The following PRKCA variants were observed in gnomAD, a reference collection of about 807,000 sequenced individuals.
PRKCA encodes protein kinase C alpha.
PRKCA carries 27 observed loss-of-function variants against 87.0 expected under a neutral mutation model. That is an observed-to-expected ratio of 0.31 (90% CI 0.23 to 0.43). The LOEUF (loss-of-function observed/expected upper bound fraction) is 0.43. Ranked by LOEUF, PRKCA falls within the 20% of genes least tolerant of loss-of-function variation. PRKCA has a pLI of 1.00. For missense variants in PRKCA, 518 were observed against 852.3 expected, an observed-to-expected ratio of 0.61 and a Z score of 4.88; for synonymous variants, 329 against 311.1, an observed-to-expected ratio of 1.06 and a Z score of -0.61.
At chr17:66,426,597 AT>A (rs2143814439) in intron 2 of PRKCA, among the ~76,000 whole-genome samples, 1 of 152,298 alleles carries the variant, frequency 6.6e-6, no homozygotes, top group Non-Finnish European at 1.5e-5. Flanking sequence ...CACCAGAGCC[AT>A]TCCTCTTCCT....
intron 3 of PRKCA, among the ~76,000 whole-genome samples, chr17:66,623,986 G>C (rs1277433858): frequency 6.6e-6 from 1 of 152,142 alleles, no homozygotes; most frequent in African/African-American, 2.4e-5. Context: ...GGAGTAGGGG[G>C]CTGTACCCAA....
At chr17:66,721,683 C>G (rs117689542) in intron 8 of PRKCA, among the ~76,000 whole-genome samples, 4,056 of 152,194 alleles carry the variant, frequency 0.027, 58 homozygotes, top group Non-Finnish European at 0.03. Flanking sequence ...TAATGAGCAG[C>G]AAGGAAGCCA....
In PRKCA at chr17:66,782,781, A is replaced by G. The variant is rs145538376; in HGVS notation, c.1606-4086A>G. ...AGCCGAGTACCCTCTGCCTCACTTC[A>G]CCCCTACCAGGAGCAGTGTTGGATG... On this transcript the variant is annotated intron_variant, in intron 14 of 16. Coordinates refer to ENST00000413366, the MANE Select transcript of PRKCA (RefSeq NM_002737.3). Among the ~76,000 whole-genome samples the G allele has an allele frequency of 3.3e-5, 5 of 152,056 alleles. No individual in the cohort carries two copies. In the East Asian group the frequency reaches 9.7e-4, roughly 29 times the overall value.
intron 2 of PRKCA, among the ~76,000 whole-genome samples, chr17:66,418,257 G>A (rs1416886245): frequency 1.3e-5 from 2 of 152,138 alleles, no homozygotes; most frequent in Non-Finnish European, 1.5e-5. Context: ...TATAGTAAAT[G>A]TATATATGCA....
intron 8 of PRKCA, among the ~76,000 whole-genome samples, chr17:66,718,739 A>G (rs1341084229): frequency 1.3e-5 from 2 of 152,226 alleles, no homozygotes; most frequent in African/African-American, 4.8e-5. Flanking sequence ...TAAGGATTTC[A>G]ACATGTGAAT....
chr17:66,698,531 T>C (rs1371153582), intron 8 of PRKCA, among the ~76,000 whole-genome samples: 1 of 152,114 alleles, frequency 6.6e-6, no homozygotes, highest in African/African-American at 2.4e-5. Context: ...AGACAGCTCA[T>C]TTATAATTAC....
At chr17:66,483,231 T>A (rs1915859684) in intron 2 of PRKCA, among the ~76,000 whole-genome samples, 1 of 152,078 alleles carries the variant, frequency 6.6e-6, no homozygotes, top group Non-Finnish European at 1.5e-5. Flanking sequence ...ACAACGAAAG[T>A]GTGTTGCCTC....
At chr17:66,658,169 G>T (rs574650295) in intron 5 of PRKCA, among the ~76,000 whole-genome samples, 2 of 152,084 alleles carry the variant, frequency 1.3e-5, no homozygotes, top group Admixed American at 1.3e-4. Flanking sequence ...CAGTAAAGGG[G>T]AAAGCCCCTT....
At chr17:66,734,752 C>G (rs540897943) in intron 9 of PRKCA, among the ~76,000 whole-genome samples, 18 of 152,254 alleles carry the variant, frequency 1.2e-4, no homozygotes, top group Non-Finnish European at 2.2e-4. Flanking sequence ...TGGAGTCACT[C>G]TGGTTCAAAT....
At chr17:66,395,062 A>G (rs554461021) in intron 2 of PRKCA, among the ~76,000 whole-genome samples, 5 of 152,300 alleles carry the variant, frequency 3.3e-5, no homozygotes, top group South Asian at 2.1e-4. Flanking sequence ...TGTAACTATT[A>G]AGTTTAAACC....
intron 2 of PRKCA, among the ~76,000 whole-genome samples, chr17:66,488,321 T>C (rs1056872377): frequency 2.6e-5 from 4 of 151,734 alleles, no homozygotes; most frequent in African/African-American, 7.3e-5. Context: ...GAAAATGACA[T>C]TTTTAAAGGG....
chr17:66,536,776 C>G (rs924734060), intron 3 of PRKCA, among the ~76,000 whole-genome samples: 1 of 152,206 alleles, frequency 6.6e-6, no homozygotes, highest in Non-Finnish European at 1.5e-5. Flanking sequence ...TGCAGTGGAT[C>G]CTGTGACAGA....
intron 3 of PRKCA, among the ~76,000 whole-genome samples, chr17:66,551,466 G>C (rs537705413): frequency 3.9e-4 from 59 of 152,366 alleles, no homozygotes; most frequent in Non-Finnish European, 7.6e-4. Flanking sequence ...GCGGAAGCCT[G>C]CCTTGATTCT....
intron 5 of PRKCA, among the ~76,000 whole-genome samples, chr17:66,676,101 C>G (rs1171998717): frequency 6.6e-6 from 1 of 152,180 alleles, no homozygotes; most frequent in African/African-American, 2.4e-5. Flanking sequence ...GCAGAACTGA[C>G]TTGTGGCGAC....
At chr17:66,586,343 T>A (rs1969597677) in intron 3 of PRKCA, among the ~76,000 whole-genome samples, 1 of 144,044 alleles carries the variant, frequency 6.9e-6, no homozygotes, top group Non-Finnish European at 1.5e-5. Context: ...AAAATAGGAT[T>A]AACTATTAAC....
At chr17:66,405,555 A>G (rs10221232) in intron 2 of PRKCA, among the ~76,000 whole-genome samples, 127,253 of 152,162 alleles carry the variant, frequency 0.84, 53,659 homozygotes, top group South Asian at 0.94. Context: ...ATAGGGAGAA[A>G]AAAAAAACCA....
At chr17:66,560,172 C>T (rs879408818) in intron 3 of PRKCA, among the ~76,000 whole-genome samples, 5 of 151,918 alleles carry the variant, frequency 3.3e-5, no homozygotes, top group Admixed American at 3.3e-4. Context: ...GAGGCATACC[C>T]CCAGAGGCTT....
intron 3 of PRKCA, among the ~76,000 whole-genome samples, chr17:66,553,771 AC>A (rs1393828674): frequency 6.6e-6 from 1 of 152,140 alleles, no homozygotes; most frequent in Non-Finnish European, 1.5e-5. Flanking sequence ...TTTTTCAGGT[AC>A]CGTGCCAGGG....
chr17:66,610,089 A>G (rs922313293), intron 3 of PRKCA, among the ~76,000 whole-genome samples: 3 of 152,212 alleles, frequency 2.0e-5, no homozygotes, highest in Non-Finnish European at 4.4e-5. Flanking sequence ...TCATAAGTAC[A>G]GGTTACCCAT....
Sources: allele counts gnomAD v4.1 joint callset (sites outside exome capture counted in the v4.1 genomes callset), GRCh38; gene constraint gnomAD v4.1.1; transcripts MANE v1.5; gene names NCBI Gene and HGNC (gene_info 2026-07-23, HGNC 2026-07-21).